The following CRIM1 variants were observed in gnomAD, a reference collection of about 807,000 sequenced individuals.
CRIM1 encodes the protein cysteine-rich motor neuron 1 protein.
In CRIM1, 32 loss-of-function variants were observed where a neutral mutation model predicts 116.4. That is an observed-to-expected ratio of 0.27 (90% CI 0.21 to 0.37). CRIM1 has a LOEUF of 0.37. Ranked by LOEUF, CRIM1 falls within the 10% of genes least tolerant of loss-of-function variation. CRIM1 has a pLI of 1.00. For synonymous variants in CRIM1, 590 were observed against 509.2 expected (o/e 1.16, Z -2.13); for missense variants, 1,331 against 1,354.8 (o/e 0.98, Z 0.28).
chr2:36,376,235 G>T (rs1670308679), intron 1 of CRIM1, among the ~76,000 whole-genome samples: 1 of 152,164 alleles, frequency 6.6e-6, no homozygotes, highest in Non-Finnish European at 1.5e-5. Flanking sequence ...GCTTCAAGTG[G>T]TTTTTGTTTT....
chr2:36,464,460 C>G (rs1677837441), intron 4 of CRIM1, 74 bp from the exon 5 acceptor site: 1 of 1,567,130 alleles, frequency 6.4e-7, no homozygotes, highest in Non-Finnish European at 8.8e-7. Context: ...GCCACTGCCA[C>G]TTTGTTTGTG....
intron 8 of CRIM1, among the ~76,000 whole-genome samples, chr2:36,509,381 G>T (rs907627138): frequency 2.0e-5 from 3 of 152,090 alleles, no homozygotes; most frequent in Admixed American, 2.0e-4. Context: ...ACAAAAATTA[G>T]CTGGGCGTGG....
chr2:36,520,196 TG>T (rs1477730519), intron 12 of CRIM1, among the ~76,000 whole-genome samples: 3 of 152,216 alleles, frequency 2.0e-5, no homozygotes, highest in Non-Finnish European at 4.4e-5. Context: ...TGATGTCCTC[TG>T]GGTTATTTCC....
intron 2 of CRIM1, among the ~76,000 whole-genome samples, chr2:36,440,318 G>A (rs1239304319): frequency 3.9e-5 from 6 of 152,146 alleles, no homozygotes; most frequent in Admixed American, 3.3e-4. Context: ...TAACACTTAC[G>A]GAAACATTGC....
At chr2:36,508,347 G>C (rs905521173) in intron 8 of CRIM1, among the ~76,000 whole-genome samples, 3 of 152,162 alleles carry the variant, frequency 2.0e-5, no homozygotes, top group African/African-American at 7.2e-5. Flanking sequence ...ATGCTATCTT[G>C]AAATATTTAT....
intron 8 of CRIM1, among the ~76,000 whole-genome samples, chr2:36,499,921 C>T (rs1005764469): frequency 6.6e-6 from 1 of 152,208 alleles, no homozygotes; most frequent in Non-Finnish European, 1.5e-5. Flanking sequence ...TAAACATCCT[C>T]ATTCTCCTTG....
chr2:36,372,111 T>C (rs1014436804), intron 1 of CRIM1, among the ~76,000 whole-genome samples: 1 of 152,214 alleles, frequency 6.6e-6, no homozygotes, highest in Non-Finnish European at 1.5e-5. Flanking sequence ...CCAGATATCC[T>C]AAGGAATTTT....
At chr2:36,471,760 C>CATA in intron 5 of CRIM1, among the ~76,000 whole-genome samples, 1 of 134,426 alleles carries the variant, frequency 7.4e-6, no homozygotes, top group Admixed American at 8.5e-5. Context: ...CACACACACA[C>CATA]CATCTTACAA....
chr2:36,475,412 T>C (rs148966790), intron 5 of CRIM1, among the ~76,000 whole-genome samples: 3 of 152,340 alleles, frequency 2.0e-5, no homozygotes, highest in East Asian at 3.9e-4. Flanking sequence ...ACAAACACAA[T>C]TTGGGGAGTT....
At position 36,356,318 on chromosome 2, in the gene CRIM1, G is replaced by T. The variant is rs3821169; in HGVS notation, c.26G>T (p.Gly9Val). The change falls in exon 1 of 17, where the codon GGG (glycine) becomes GTG (valine). Residue 9 changes from glycine (G) to valine (V), a missense_variant. Coordinates refer to ENST00000280527, the MANE Select transcript of CRIM1 (RefSeq NM_016441.3). This position sits in a 1 kb window ranked among gnomAD's most constrained non-coding sequence, Gnocchi z 4.3. MYLVAGDR[G>V]LAGCGHLLVS... ...ATGTACTTGGTGGCGGGGGACAGGG[G>T]GTTGGCCGGCTGCGGGCACCTCCTG... 29,646 of 1,571,398 alleles carry T rather than the reference G, an allele frequency of 0.019. 1,745 individuals are homozygous for T. The East Asian group carries it at 0.26, about 14-fold the overall frequency.
chr2:36,518,928 A>T (rs1399165046), intron 12 of CRIM1, among the ~76,000 whole-genome samples: 1 of 152,218 alleles, frequency 6.6e-6, no homozygotes, highest in African/African-American at 2.4e-5. Context: ...TCCAAGGTTA[A>T]TGAAAACAGA....
intron 7 of CRIM1, among the ~76,000 whole-genome samples, chr2:36,482,149 C>T (rs964067609): frequency 2.4e-4 from 36 of 152,132 alleles, no homozygotes; most frequent in African/African-American, 8.4e-4. Context: ...CTCTCTGTCT[C>T]TTTCATGCTC....
intron 13 of CRIM1, among the ~76,000 whole-genome samples, chr2:36,535,689 G>C (rs942090167): frequency 5.3e-5 from 8 of 152,142 alleles, no homozygotes. Flanking sequence ...ATTGAGATTT[G>C]TATCTGTGGA....
At chr2:36,473,529 A>G (rs1391223035) in intron 5 of CRIM1, among the ~76,000 whole-genome samples, 1 of 152,040 alleles carries the variant, frequency 6.6e-6, no homozygotes, top group Admixed American at 6.6e-5. Context: ...TTTTCCCCCT[A>G]AGCTCTCAGA....
intron 2 of CRIM1, among the ~76,000 whole-genome samples, chr2:36,403,237 G>A (rs1672548495): frequency 6.6e-6 from 1 of 152,202 alleles, no homozygotes; most frequent in Non-Finnish European, 1.5e-5. Context: ...TGAACATTTT[G>A]CAAAAGGAGG....
chr2:36,468,218 C>T (rs1678202323), intron 5 of CRIM1, among the ~76,000 whole-genome samples: 1 of 152,168 alleles, frequency 6.6e-6, no homozygotes, highest in Admixed American at 6.5e-5. Flanking sequence ...TGCTGCCATC[C>T]ATGTGATCCA....
chr2:36,407,281 A>C (rs768667429), intron 2 of CRIM1, among the ~76,000 whole-genome samples: 148 of 152,336 alleles, frequency 9.7e-4, no homozygotes, highest in Middle Eastern at 3.4e-3. Flanking sequence ...CTGTAAACAC[A>C]GATATGTAAA....
chr2:36,461,778 C>T (rs848535), intron 4 of CRIM1, among the ~76,000 whole-genome samples: 1 of 152,128 alleles, frequency 6.6e-6, no homozygotes, highest in Non-Finnish European at 1.5e-5. Flanking sequence ...AAAGATAACT[C>T]ATGTGAGTTG....
intron 4 of CRIM1, among the ~76,000 whole-genome samples, chr2:36,463,618 C>T (rs186039267): frequency 1.6e-4 from 25 of 152,334 alleles, no homozygotes; most frequent in Non-Finnish European, 3.1e-4. Context: ...CATTCACATG[C>T]TGACACCCAG....
Sources: allele counts gnomAD v4.1 joint callset (sites outside exome capture counted in the v4.1 genomes callset), GRCh38; gene constraint gnomAD v4.1.1; non-coding constraint Gnocchi (gnomAD v3.1); transcripts MANE v1.5; gene names NCBI Gene and HGNC (gene_info 2026-07-23, HGNC 2026-07-21).